GNAO1: variants seen among roughly 807,000 people sequenced by gnomAD.
The protein encoded by GNAO1 is G protein subunit alpha o1.
For synonymous variants in GNAO1, 164 were observed against 180.7 expected (o/e 0.91, Z 0.74); for missense variants, 166 against 478.7 (o/e 0.35, Z 6.10).
chr16:56,192,337 G>A lies in GNAO1; in HGVS notation c.102G>A (p.Val34=). 1.3e-6 allele frequency: 2 copies of A among 1,596,510 alleles called. No homozygotes were observed. Among genetic ancestry groups the A allele is most frequent in the South Asian group, 1.1e-5 (1 of 90,736 alleles). ...KEDGISAAKD[V]KLLLLGAGES... ...ATGGCATCAGCGCCGCCAAAGACGT[G>A]AAATTACTCCTGCTCGGTAAGGACC... The change falls in exon 1 of 9, where the codon GTG becomes GTA. Residue 34 remains valine (V), a synonymous_variant. Coordinates refer to ENST00000262493, the MANE Select transcript of GNAO1 (RefSeq NM_020988.3).
rs147211783 is a variant in GNAO1 at position 56,259,246 on chromosome 16, G to A, written c.162-16685G>A. ...CTTCAGCCTCACATGCTGTGTGAAT[G>A]CCGCCTCCTTGTCAGGGAACGTGAT... On this transcript the variant is annotated intron_variant, in intron 2 of 8. Transcript: ENST00000262493. Among the ~76,000 whole-genome samples, 12 of 152,336 alleles carry A rather than the reference G, an allele frequency of 7.9e-5. No homozygotes were observed. The East Asian group carries it at 2.3e-3, about 29-fold the overall frequency.
At chr16:56,302,081 G>A (rs1480103279) in intron 3 of GNAO1, 1 of 152,306 alleles carries the variant, frequency 6.6e-6, no homozygotes, top group Non-Finnish European at 1.5e-5. Flanking sequence ...AGTCTTCTCT[G>A]ATCTACAGCT....
intron 2 of GNAO1, chr16:56,226,255 A>C (rs1373916800): frequency 1.3e-5 from 2 of 152,300 alleles, no homozygotes; most frequent in African/African-American, 4.8e-5. Flanking sequence ...TATTAGAATC[A>C]GGCAGTATTT....
intron 3 of GNAO1, among the ~76,000 whole-genome samples, chr16:56,283,403 A>G (rs2037133081): frequency 6.6e-6 from 1 of 152,148 alleles, no homozygotes; most frequent in South Asian, 2.1e-4. Context: ...TATCCCCTAG[A>G]GATAATGGTA....
chr16:56,268,286 T>G (rs993291038), intron 2 of GNAO1, among the ~76,000 whole-genome samples: 4 of 152,268 alleles, frequency 2.6e-5, no homozygotes, highest in Admixed American at 6.5e-5. Flanking sequence ...CAGCACATCC[T>G]TCAACTGGCC....
intron 2 of GNAO1, among the ~76,000 whole-genome samples, chr16:56,214,665 G>T (rs943394320): frequency 5.3e-5 from 8 of 152,208 alleles, no homozygotes; most frequent in Non-Finnish European, 7.4e-5. Context: ...ACCAATTTCT[G>T]TCTAGGGGTT....
intron 4 of GNAO1, among the ~76,000 whole-genome samples, chr16:56,330,583 G>T (rs1281277670): frequency 6.6e-6 from 1 of 151,772 alleles, no homozygotes. Flanking sequence ...CCATTTATTT[G>T]TCCCAGTGGC....
intron 2 of GNAO1, among the ~76,000 whole-genome samples, chr16:56,262,694 T>C (rs2036915156): frequency 6.6e-6 from 1 of 152,200 alleles, no homozygotes; most frequent in Non-Finnish European, 1.5e-5. Flanking sequence ...CTAATAGGAA[T>C]ACCTCACTTC....
intron 3 of GNAO1, among the ~76,000 whole-genome samples, chr16:56,313,403 C>T (rs1451943456): frequency 1.3e-5 from 2 of 151,966 alleles, no homozygotes; most frequent in African/African-American, 4.8e-5. Context: ...AAGTCCATTA[C>T]ACATTAATAT....
In GNAO1 at chr16:56,288,138, C is replaced by G. The variant is rs1312457896; in HGVS notation, c.303+12066C>G. Among the ~76,000 whole-genome samples the G allele has an allele frequency of 3.3e-5, 5 of 152,240 alleles. No individual in the cohort carries two copies. The South Asian group carries it at 6.2e-4, about 19-fold the overall frequency. ...GCCCTCAGCACCTGGCTGTCTCATT[C>G]ACTCACTGGTTTATTTACTTGAGAA... On this transcript the variant is annotated intron_variant, in intron 3 of 8. Transcript: ENST00000262493.
Position 56,357,263 on chromosome 16 carries a change from C to CA in GNAO1, c.*1195dup, listed in dbSNP as rs1349858005. 4.7e-5 allele frequency: 6 copies of CA among 128,580 alleles called. No homozygotes were observed. The highest frequency in any genetic ancestry group is 1.0e-4 in the Non-Finnish European group (6 of 59,414). The allele number at this position is 128,580 out of a possible 1,614,324, so 8.0% of individuals were successfully genotyped here. A position where few individuals can be genotyped will look rare whatever the true frequency, so the allele number is the denominator to read the frequency against. ...AGAGGAGGCAAAAAGACAAAACACACAAAAAATTAAAAAAAAAAACTTAAA... is the reference window on the plus strand; with the variant it reads ...AGAGGAGGCAAAAAGACAAAACACACAAAAAAATTAAAAAAAAAAACTTAAA... On this transcript the variant is annotated 3_prime_UTR_variant, in exon 9 of 9. Transcript: ENST00000262493.
At chr16:56,268,463 G>A (rs920819554) in intron 2 of GNAO1, among the ~76,000 whole-genome samples, 2 of 152,150 alleles carry the variant, frequency 1.3e-5, no homozygotes, top group African/African-American at 2.4e-5. Context: ...CAGGAGATTC[G>A]TATTGATCAA....
intron 3 of GNAO1, among the ~76,000 whole-genome samples, chr16:56,294,045 A>G (rs1428627697): frequency 1.3e-5 from 2 of 152,204 alleles, no homozygotes; most frequent in Non-Finnish European, 2.9e-5. Context: ...GGTTATTACT[A>G]TACTTTATAG....
In GNAO1 at chr16:56,233,145, C is replaced by T. The variant is rs145092793; in HGVS notation, c.161+40529C>T. ...AAAATGGAGTGCTCATAGTACCTGGCTAAAGTTGTTTTGAGGATTATATGA... is the reference window on the plus strand; with the variant it reads ...AAAATGGAGTGCTCATAGTACCTGGTTAAAGTTGTTTTGAGGATTATATGA... On this transcript the variant is annotated intron_variant, in intron 2 of 8. Transcript: ENST00000262493. 2.9e-3 allele frequency among the ~76,000 whole-genome samples: 436 copies of T among 152,258 alleles called. 9 individuals carry two copies. The highest frequency in any genetic ancestry group is 0.027 in the Admixed American group (412 of 15,288).
intron 3 of GNAO1, among the ~76,000 whole-genome samples, chr16:56,327,362 G>C (rs1567484919): frequency 6.6e-6 from 1 of 152,056 alleles, no homozygotes; most frequent in Non-Finnish European, 1.5e-5. Context: ...TCAACATCAA[G>C]CAGACAGGAC....
intron 2 of GNAO1, among the ~76,000 whole-genome samples, chr16:56,238,270 G>A (rs1234305599): frequency 6.6e-6 from 1 of 152,174 alleles, no homozygotes; most frequent in Non-Finnish European, 1.5e-5. Flanking sequence ...CCTGGCATTG[G>A]AGCAAGGTTG....
At position 56,328,888 on chromosome 16, in the gene GNAO1, G is replaced by A. The variant is rs546048422; in HGVS notation, c.464+97G>A. The A allele has an allele frequency of 4.7e-5, 61 of 1,289,356 alleles. 1 individual carries two copies. The South Asian group carries it at 6.8e-4, about 14-fold the overall frequency. 79.9% of individuals were successfully genotyped at this position (1,289,356 alleles called of 1,614,324 possible). ...ATTGGCAGAGCAAGGAGGATTCTCG[G>A]CTGAGGTCACGCCTGCCGGGAGATG... On this transcript the variant is annotated intron_variant, in intron 4 of 8. Coordinates refer to ENST00000262493, the MANE Select transcript of GNAO1 (RefSeq NM_020988.3).
intron 6 of GNAO1, chr16:56,344,267 A>T: frequency 7.9e-7 from 1 of 1,272,858 alleles, no homozygotes; most frequent in Non-Finnish European, 1.0e-6. Flanking sequence ...CACACCCTGC[A>T]CCTGATGACT....
At chr16:56,237,431 A>T (rs1473419889) in intron 2 of GNAO1, among the ~76,000 whole-genome samples, 1 of 152,166 alleles carries the variant, frequency 6.6e-6, no homozygotes, top group African/African-American at 2.4e-5. Context: ...ATGCCACAGG[A>T]TGCCTGTATC....
Sources: allele counts gnomAD v4.1 joint callset (sites outside exome capture counted in the v4.1 genomes callset), GRCh38; gene constraint gnomAD v4.1.1; transcripts MANE v1.5; gene names NCBI Gene and HGNC (gene_info 2026-07-23, HGNC 2026-07-21).